Variants in TNFRSF21 observed in about 807,000 individuals in gnomAD.
The protein encoded by TNFRSF21 is TNF receptor superfamily member 21.
A neutral mutation model predicts 45.6 loss-of-function variants in TNFRSF21; 19 were observed. That is an observed-to-expected ratio of 0.42 (90% confidence interval 0.29 to 0.61). The LOEUF is 0.61. Among genes scored for constraint, TNFRSF21 ranks in the 20% least tolerant of loss-of-function variants. TNFRSF21 has a pLI of 0.23. For synonymous variants in TNFRSF21, 314 were observed against 335.5 expected (o/e 0.94, Z 0.70); for missense variants, 737 against 851.5 (o/e 0.87, Z 1.67).
At chr6:47,287,403 T>C (rs1246831527) in intron 1 of TNFRSF21, among the ~76,000 whole-genome samples, 1 of 151,284 alleles carries the variant, frequency 6.6e-6, no homozygotes, top group African/African-American at 2.4e-5. Context: ...CTTTTTAACA[T>C]TGGGTATTTT....
At position 47,309,610 on chromosome 6, in the gene TNFRSF21, C is replaced by G; in HGVS notation, c.-99G>C. The stretch of plus-strand genomic sequence containing the variant: ...GCCGCATCCACCGCCGCCTCCCGGG[C>G]CGGGAGCCCATCTACCTCCAACACC... On this transcript the variant is annotated 5_prime_UTR_variant, in exon 1 of 6. Transcript: ENST00000296861. 1 of 1,364,742 alleles carries G rather than the reference C, an allele frequency of 7.3e-7. No individual in the cohort carries two copies. The highest frequency in any genetic ancestry group is 1.7e-5 in the South Asian group (1 of 57,564). 84.5% of individuals were successfully genotyped at this position (1,364,742 alleles called of 1,614,324 possible).
At chr6:47,303,725 GCTAGAAATGAAGGTGGT>G (rs1463580950) in intron 1 of TNFRSF21, among the ~76,000 whole-genome samples, 1 of 152,218 alleles carries the variant, frequency 6.6e-6, no homozygotes, top group Non-Finnish European at 1.5e-5. Flanking sequence ...TTGGATTCAG[GCTAGAAATGAAGGTGGT>G]AAGAAAGCTG....
At chr6:47,255,866 G>C (rs780555625) in intron 3 of TNFRSF21, among the ~76,000 whole-genome samples, 10 of 152,000 alleles carry the variant, frequency 6.6e-5, no homozygotes, top group Non-Finnish European at 1.5e-4. Flanking sequence ...AAAAAAAATA[G>C]GGTCACATTC....
intron 4 of TNFRSF21, among the ~76,000 whole-genome samples, chr6:47,249,700 A>C (rs1224644492): frequency 6.6e-6 from 1 of 152,244 alleles, no homozygotes; most frequent in Non-Finnish European, 1.5e-5. Context: ...TCATGAAAAC[A>C]AAAGCGAAGT....
At chr6:47,308,094 C>T (rs1318242631) in intron 1 of TNFRSF21, among the ~76,000 whole-genome samples, 1 of 152,190 alleles carries the variant, frequency 6.6e-6, no homozygotes, top group Non-Finnish European at 1.5e-5. Context: ...TTGGCCATGC[C>T]ATTAATAAGT....
intron 1 of TNFRSF21, among the ~76,000 whole-genome samples, chr6:47,301,381 T>C (rs2017408): frequency 4.6e-5 from 7 of 152,226 alleles, no homozygotes; most frequent in Admixed American, 1.3e-4. Context: ...GTCTATTTTG[T>C]TATTTTTCCT....
chr6:47,258,651 C>T (rs1233830199), intron 3 of TNFRSF21, among the ~76,000 whole-genome samples: 1 of 152,078 alleles, frequency 6.6e-6, no homozygotes, highest in Non-Finnish European at 1.5e-5. Flanking sequence ...GTTGGCCAGG[C>T]TGATCTCAAA....
At position 47,277,390 on chromosome 6, in the gene TNFRSF21, G is replaced by A. The variant is rs569542766; in HGVS notation, c.1243+6548C>T. ...AACTGAGACTGCCAGAGAGGAAGGA[G>A]GTGATGATGTCAGTGGTGAGGATGA... On this transcript the variant is annotated intron_variant, in intron 3 of 5. Coordinates refer to ENST00000296861, the MANE Select transcript of TNFRSF21 (RefSeq NM_014452.5). Among the ~76,000 whole-genome samples, 11 of 152,328 alleles carry A rather than the reference G, an allele frequency of 7.2e-5. No homozygotes were observed. The South Asian group carries it at 2.1e-3, about 29-fold the overall frequency.
chr6:47,307,855 T>C (rs1762960884), intron 1 of TNFRSF21, among the ~76,000 whole-genome samples: 1 of 152,238 alleles, frequency 6.6e-6, no homozygotes, highest in Non-Finnish European at 1.5e-5. Flanking sequence ...AATAATCAGA[T>C]GTGTTAGAAG....
Position 47,244,699 on chromosome 6 carries a change from C to T in TNFRSF21, c.1509+8557G>A, listed in dbSNP as rs551711602. On this transcript the variant is annotated intron_variant, in intron 4 of 5. Transcript: ENST00000296861. ...GTCCTGTGAAAGTCCAACTGTAGAT[C>T]GATCAAAGTTTCCTCTGTGGCAATT... Among the ~76,000 whole-genome samples the T allele has an allele frequency of 5.9e-5, 9 of 152,180 alleles. No individual in the cohort carries two copies. The East Asian group carries it at 1.4e-3, about 23-fold the overall frequency.
In TNFRSF21 at chr6:47,234,712, C is replaced by G; in HGVS notation, c.1696G>C (p.Gly566Arg). ...PLLRCDSTSS[G>R]SSALSRNGSF... ...CCGTTCCTGCTCAGCGCGGAGGAGC[C>G]GCTGGATGTAGAGTCACAGCGGAGA... The change falls in exon 5 of 6, where the codon GGC becomes CGC. Residue 566 changes from glycine to arginine, a missense_variant. Transcript: ENST00000296861. The G allele has an allele frequency of 6.2e-7, 1 of 1,611,466 alleles. No homozygotes were observed.
At position 47,236,155 on chromosome 6, in the gene TNFRSF21, T is replaced by C. The variant is rs540737753; in HGVS notation, c.1510-1257A>G. Among the ~76,000 whole-genome samples, 8 of 152,358 alleles carry C rather than the reference T, an allele frequency of 5.3e-5. No individual in the cohort carries two copies. The South Asian group carries it at 1.5e-3, about 28-fold the overall frequency. On this transcript the variant is annotated intron_variant, in intron 4 of 5. Coordinates refer to ENST00000296861, the MANE Select transcript of TNFRSF21 (RefSeq NM_014452.5). The stretch of plus-strand genomic sequence containing the variant: ...AGAAAGCCAGTGCTCAACTCAGGCC[T>C]GCTTGACATCTCTATTTGGCCCTTT...
rs369000023 is a variant in TNFRSF21, at chr6:47,293,071, A to G, written c.97-6476T>C. Among the ~76,000 whole-genome samples the G allele has an allele frequency of 1.2e-4, 18 of 152,306 alleles. 1 individual carries two copies. In the South Asian group the frequency reaches 2.9e-3, roughly 25 times the overall value. On this transcript the variant is annotated intron_variant, in intron 1 of 5. Coordinates refer to ENST00000296861, the MANE Select transcript of TNFRSF21 (RefSeq NM_014452.5). ...GTAAAGCCTTTAAAACTATTCCCAG[A>G]CACCCAGATTCCAAGTAGATGAGTG...
At chr6:47,263,967 T>C (rs1740291855) in intron 3 of TNFRSF21, among the ~76,000 whole-genome samples, 1 of 152,242 alleles carries the variant, frequency 6.6e-6, no homozygotes, top group African/African-American at 2.4e-5. Flanking sequence ...AAGCCTAATA[T>C]GTCCAATTCT....
At chr6:47,281,017 A>G (rs563597340) in intron 3 of TNFRSF21, among the ~76,000 whole-genome samples, 11 of 152,342 alleles carry the variant, frequency 7.2e-5, no homozygotes, top group Middle Eastern at 6.8e-3. Flanking sequence ...AGGCACTTAC[A>G]GGGCAGTTTA....
In TNFRSF21 at chr6:47,253,518, A is replaced by C. The variant is rs1435193870; in HGVS notation, c.1247T>G (p.Ile416Ser). 15 of 1,611,492 alleles carry C rather than the reference A, an allele frequency of 9.3e-6. No homozygotes were observed. Among genetic ancestry groups the C allele is most frequent in the Non-Finnish European group, 1.3e-5 (15 of 1,179,998 alleles). Residue 416 changes from isoleucine to serine, a missense_variant, in exon 4 of 6, where the codon ATC (isoleucine) becomes AGC (serine). Transcript: ENST00000296861. Reference protein sequence around the residue: ...KWIYYCNGHGIDILKLVAAQV... With the variant: ...KWIYYCNGHGSDILKLVAAQV... ...GGCTGCTACAAGCTTCAGGATATCG[A>C]TACCTACACCAGAGAAAAAATAAAA...
chr6:47,238,422 A>G (rs1440899025), intron 4 of TNFRSF21, among the ~76,000 whole-genome samples: 1 of 152,250 alleles, frequency 6.6e-6, no homozygotes, highest in East Asian at 1.9e-4. Context: ...CCATGACATA[A>G]TCCTAACTTG....
chr6:47,254,451 G>A (rs561646183), intron 3 of TNFRSF21, among the ~76,000 whole-genome samples: 1 of 152,348 alleles, frequency 6.6e-6, no homozygotes, highest in African/African-American at 2.4e-5. Flanking sequence ...TGTGGATAAG[G>A]GAGGACTACT....
intron 4 of TNFRSF21, among the ~76,000 whole-genome samples, chr6:47,239,132 A>C (rs750205715): frequency 6.6e-6 from 1 of 152,024 alleles, no homozygotes; most frequent in Admixed American, 6.6e-5. Context: ...CTAAAACTAC[A>C]AAAATTAGCC....
Sources: gnomAD v4.1 joint callset for allele counts (sites outside exome capture counted in the v4.1 genomes callset) on GRCh38, gnomAD v4.1.1 for gene constraint, MANE v1.5 for transcripts, NCBI Gene and HGNC (gene_info 2026-07-23, HGNC 2026-07-21) for gene names.